Variants in CNTN4 observed in about 807,000 individuals in gnomAD.
CNTN4 encodes contactin-4.
In CNTN4, 77 loss-of-function variants were observed where a neutral mutation model predicts 122.5. The ratio of observed to expected loss-of-function variants is 0.63; its 90% CI spans 0.52 to 0.76. The LOEUF is 0.76. Among genes scored for constraint, CNTN4 ranks in the 30% least tolerant of loss-of-function variants. CNTN4 has a pLI of 0.00. For missense variants in CNTN4, 1,256 were observed against 1,259.1 expected, an observed-to-expected ratio of 1.00 and a Z score of 0.04; for synonymous variants, 512 against 447.0, an observed-to-expected ratio of 1.15 and a Z score of -1.83.
At chr3:2,256,364 A>G (rs2040591966) in intron 2 of CNTN4, among the ~76,000 whole-genome samples, 1 of 152,208 alleles carries the variant, frequency 6.6e-6, no homozygotes, top group African/African-American at 2.4e-5. Flanking sequence ...CCAGAGGTAC[A>G]AAGAGGAACT....
In CNTN4 at chr3:2,658,965, G is replaced by C. The variant is rs200853146; in HGVS notation, c.56-77250G>C. On this transcript the variant is annotated intron_variant, in intron 4 of 24. Coordinates refer to ENST00000418658, the MANE Select transcript of CNTN4 (RefSeq NM_175607.3). ...AATAACACACCCACACACACAAACA[G>C]ACACACACACACACACACACACACA... 2.0e-3 allele frequency among the ~76,000 whole-genome samples: 284 copies of C among 139,652 alleles called. 1 individual carries two copies. Among genetic ancestry groups the C allele is most frequent in the African/African-American group, 5.6e-3 (212 of 38,096 alleles). 91.6% of individuals were successfully genotyped at this position (139,652 alleles called of 152,430 possible).
chr3:3,038,887 T>C (rs1699877784), intron 18 of CNTN4, 46 bp from the exon 19 acceptor site: 2 of 1,561,738 alleles, frequency 1.3e-6, no homozygotes, highest in African/African-American at 1.4e-5. Context: ...TGGCCCTCAT[T>C]CGCCTTTGCC....
chr3:2,840,107 C>G (rs2093321551), intron 7 of CNTN4, among the ~76,000 whole-genome samples: 1 of 152,104 alleles, frequency 6.6e-6, no homozygotes, highest in South Asian at 2.1e-4. Flanking sequence ...AAGCCCAACC[C>G]AATAACTTCT....
At chr3:2,174,557 C>G (rs543796601) in intron 2 of CNTN4, among the ~76,000 whole-genome samples, 2 of 152,254 alleles carry the variant, frequency 1.3e-5, no homozygotes, top group African/African-American at 4.8e-5. Context: ...TAATCTCATT[C>G]AAAAGGGTTC....
Position 2,733,539 on chromosome 3 carries a change from T to G in CNTN4, c.56-2676T>G, listed in dbSNP as rs1400194616. ...TTTAAAGTGCATGTTTGTGTTTTTT[T>G]TTTTTTTTTTTTGAGACAGAGTCTC... is the stretch of plus-strand genomic sequence containing the variant. On this transcript the variant is annotated intron_variant, in intron 4 of 24. Transcript: ENST00000418658. 2.9e-5 allele frequency among the ~76,000 whole-genome samples: 4 copies of G among 138,120 alleles called. 1 individual carries two copies. The highest frequency in any genetic ancestry group is 5.2e-4 in the South Asian group (2 of 3,850). 90.6% of individuals were successfully genotyped at this position (138,120 alleles called of 152,430 possible).
intron 2 of CNTN4, among the ~76,000 whole-genome samples, chr3:2,142,819 A>T (rs963109239): frequency 2.6e-5 from 4 of 152,240 alleles, no homozygotes; most frequent in Admixed American, 1.3e-4. Context: ...GGCTGCTTTC[A>T]GGCATATAAT....
At chr3:2,393,983 T>C (rs2046540206) in intron 3 of CNTN4, among the ~76,000 whole-genome samples, 3 of 152,178 alleles carry the variant, frequency 2.0e-5, no homozygotes, top group Admixed American at 6.5e-5. Flanking sequence ...TTGTGGTTTT[T>C]ACTATTACTT....
chr3:2,640,813 A>G (rs775401441), intron 4 of CNTN4, among the ~76,000 whole-genome samples: 1 of 152,228 alleles, frequency 6.6e-6, no homozygotes, highest in Non-Finnish European at 1.5e-5. Context: ...TTGGAACCAG[A>G]GAGTCCCTTC....
chr3:2,949,917 G>A (rs1459805518), intron 13 of CNTN4, among the ~76,000 whole-genome samples: 2 of 152,210 alleles, frequency 1.3e-5, no homozygotes, highest in East Asian at 1.9e-4. Context: ...CTCTTTAATG[G>A]CATTTGGGTG....
In CNTN4 at chr3:2,717,771, C is replaced by A. The variant is rs147848602; in HGVS notation, c.56-18444C>A. ...TTACCACTAGCAACATTTGAGCCTTCTGACTTCATGTAATCACTCCAATAC... is the reference window on the plus strand; with the variant it reads ...TTACCACTAGCAACATTTGAGCCTTATGACTTCATGTAATCACTCCAATAC... On this transcript the variant is annotated intron_variant, in intron 4 of 24. Coordinates refer to ENST00000418658, the MANE Select transcript of CNTN4 (RefSeq NM_175607.3). Among the ~76,000 whole-genome samples, 1,028 of 126,784 alleles carry A rather than the reference C, an allele frequency of 8.1e-3. 6 individuals are homozygous for A. Among genetic ancestry groups the A allele is most frequent in the Middle Eastern group, 0.033 (8 of 244 alleles). The allele number at this position is 126,784 out of a possible 152,430, so 83.2% of individuals were successfully genotyped here. A position where few individuals can be genotyped will look rare whatever the true frequency, so the allele number is the denominator to read the frequency against.
intron 3 of CNTN4, among the ~76,000 whole-genome samples, chr3:2,527,855 C>T (rs553537708): frequency 3.3e-5 from 5 of 152,224 alleles, no homozygotes; most frequent in African/African-American, 1.2e-4. Flanking sequence ...CTTGATCCTC[C>T]CCCTTTTAAA....
In CNTN4 at chr3:2,779,050, A is replaced by G. The variant is rs141893690; in HGVS notation, c.358+33353A>G. On this transcript the variant is annotated intron_variant, in intron 6 of 24. Coordinates refer to ENST00000418658, the MANE Select transcript of CNTN4 (RefSeq NM_175607.3). ...GCATTTATTTCCTTCAGATGATGAAATGATCAACAAAGTAATTGTTTTATA... is the reference window on the plus strand; with the variant it reads ...GCATTTATTTCCTTCAGATGATGAAGTGATCAACAAAGTAATTGTTTTATA... Among the ~76,000 whole-genome samples, 39 of 152,330 alleles carry G rather than the reference A, an allele frequency of 2.6e-4. No homozygotes were observed. The East Asian group carries it at 6.9e-3, about 27-fold the overall frequency.
At chr3:2,467,120 T>G (rs2075530982) in intron 3 of CNTN4, among the ~76,000 whole-genome samples, 1 of 150,262 alleles carries the variant, frequency 6.7e-6, no homozygotes. Flanking sequence ...TTGGATGATA[T>G]GCAAAATTAT....
intron 2 of CNTN4, among the ~76,000 whole-genome samples, chr3:2,126,090 CAGTTATTTGA>C (rs1435204702): frequency 6.6e-6 from 1 of 152,148 alleles, no homozygotes; most frequent in Non-Finnish European, 1.5e-5. Context: ...ATCCTGAATA[CAGTTATTTGA>C]ATGTCTGAGT....
At chr3:2,561,831 T>G (rs1401861606) in intron 3 of CNTN4, among the ~76,000 whole-genome samples, 1 of 152,150 alleles carries the variant, frequency 6.6e-6, no homozygotes, top group Non-Finnish European at 1.5e-5. Flanking sequence ...TTATTTTACT[T>G]GAAACCTGTA....
chr3:2,869,270 G>A (rs947805170), intron 8 of CNTN4, among the ~76,000 whole-genome samples: 2 of 152,074 alleles, frequency 1.3e-5, no homozygotes, highest in African/African-American at 4.8e-5. Context: ...AGTGAAAACT[G>A]GAAATCCAAT....
At chr3:2,858,669 G>A (rs11715423) in intron 7 of CNTN4, among the ~76,000 whole-genome samples, 4 of 151,232 alleles carry the variant, frequency 2.6e-5, no homozygotes, top group East Asian at 3.9e-4. Flanking sequence ...GCTGCACCCC[G>A]GCACTCCAGC....
chr3:2,681,372 G>T (rs951415467), intron 4 of CNTN4, among the ~76,000 whole-genome samples: 1 of 152,188 alleles, frequency 6.6e-6, no homozygotes, highest in African/African-American at 2.4e-5. Flanking sequence ...GGAGCAGCGT[G>T]TGATCTCACC....
intron 2 of CNTN4, among the ~76,000 whole-genome samples, chr3:2,102,643 A>C (rs1244621565): frequency 2.0e-5 from 3 of 152,178 alleles, no homozygotes; most frequent in African/African-American, 7.2e-5. Flanking sequence ...GCTTACTTGC[A>C]TCAAGCCATT....
Sources: allele counts gnomAD v4.1 joint callset (sites outside exome capture counted in the v4.1 genomes callset), GRCh38; gene constraint gnomAD v4.1.1; transcripts MANE v1.5; gene names NCBI Gene and HGNC (gene_info 2026-07-23, HGNC 2026-07-21).